The following CADPS2 variants were observed in gnomAD, a reference collection of about 807,000 sequenced individuals.
CADPS2 encodes the protein calcium-dependent secretion activator 2.
A neutral mutation model predicts 172.5 loss-of-function variants in CADPS2; 93 were observed. The ratio of observed to expected loss-of-function variants is 0.54; its 90% CI spans 0.46 to 0.64. CADPS2 has a LOEUF of 0.64. Among genes scored for constraint, CADPS2 ranks in the 30% least tolerant of loss-of-function variants. The pLI is 0.00. For missense variants in CADPS2, 1,420 were observed against 1,565.9 expected (o/e 0.91, Z 1.57); for synonymous variants, 546 against 555.2 (o/e 0.98, Z 0.23).
chr7:122,777,920 C>T (rs945584300), intron 1 of CADPS2, among the ~76,000 whole-genome samples: 2 of 152,000 alleles, frequency 1.3e-5, no homozygotes, highest in African/African-American at 4.8e-5. Flanking sequence ...GCTGCTATAA[C>T]GATACGCAAA....
chr7:122,639,548 C>T (rs1167437964), intron 3 of CADPS2, among the ~76,000 whole-genome samples: 2 of 152,056 alleles, frequency 1.3e-5, no homozygotes, highest in Non-Finnish European at 2.9e-5. Context: ...GTTTAGCTCT[C>T]CACAATTTAT....
Position 122,851,615 on chromosome 7 carries a change from C to T in CADPS2, c.339+34384G>A, listed in dbSNP as rs1813651411. ...AGTAAGAAGAGGTTTGATGAACTCA[C>T]AGTTCCATGTGGCTGGGGAGGCCAC... On this transcript the variant is annotated intron_variant, in intron 1 of 29. Transcript: ENST00000449022. Among the ~76,000 whole-genome samples, 3 of 152,166 alleles carry T rather than the reference C, an allele frequency of 2.0e-5. No individual in the cohort carries two copies. In the South Asian group the frequency reaches 6.2e-4, roughly 31 times the overall value.
intron 17 of CADPS2, among the ~76,000 whole-genome samples, chr7:122,437,700 T>G (rs953603037): frequency 6.6e-6 from 1 of 152,008 alleles, no homozygotes; most frequent in African/African-American, 2.4e-5. Context: ...ATGTGTTGAA[T>G]AAAACTGTTG....
chr7:122,375,943 C>G (rs919699838), intron 25 of CADPS2, among the ~76,000 whole-genome samples: 11 of 152,090 alleles, frequency 7.2e-5, no homozygotes, highest in Admixed American at 2.0e-4. Flanking sequence ...CACTACATCT[C>G]TAATGAACAT....
At position 122,502,049 on chromosome 7, in the gene CADPS2, T is replaced by C. The variant is rs184168180; in HGVS notation, c.1543-10629A>G. 2.6e-3 allele frequency among the ~76,000 whole-genome samples: 402 copies of C among 152,248 alleles called. 2 individuals are homozygous for C. The East Asian group carries it at 0.045, about 17-fold the overall frequency. ...AGCAAGCCAATTACCTCTTAATTTCTGGCAAAGTTATTATTTCAGATAGCA... is the reference window on the plus strand; with the variant it reads ...AGCAAGCCAATTACCTCTTAATTTCCGGCAAAGTTATTATTTCAGATAGCA... On this transcript the variant is annotated intron_variant, in intron 9 of 29. Coordinates refer to ENST00000449022, the MANE Select transcript of CADPS2 (RefSeq NM_017954.11).
chr7:122,504,747 C>G (rs2059483604), intron 9 of CADPS2, among the ~76,000 whole-genome samples: 1 of 151,968 alleles, frequency 6.6e-6, no homozygotes, highest in Non-Finnish European at 1.5e-5. Flanking sequence ...AAAAATAATA[C>G]AGACATGGGG....
intron 8 of CADPS2, among the ~76,000 whole-genome samples, chr7:122,531,139 T>G (rs780428914): frequency 6.6e-6 from 1 of 152,216 alleles, no homozygotes; most frequent in Non-Finnish European, 1.5e-5. Flanking sequence ...CAAGCTGTAC[T>G]GGTAGTTTAT....
chr7:122,731,165 G>A (rs1034685854), intron 2 of CADPS2, among the ~76,000 whole-genome samples: 3 of 151,528 alleles, frequency 2.0e-5, no homozygotes, highest in East Asian at 3.9e-4. Context: ...TGGAACCAAA[G>A]TAGAACATAA....
intron 1 of CADPS2, among the ~76,000 whole-genome samples, chr7:122,768,001 G>A (rs2093605391): frequency 6.6e-6 from 1 of 152,092 alleles, no homozygotes; most frequent in African/African-American, 2.4e-5. Flanking sequence ...AGGGAGAGAT[G>A]GTTAAAGTGA....
intron 6 of CADPS2, among the ~76,000 whole-genome samples, chr7:122,590,125 C>A (rs1329380012): frequency 6.6e-6 from 1 of 151,726 alleles, no homozygotes; most frequent in Non-Finnish European, 1.5e-5. Context: ...CATAAGGAAT[C>A]TCTAGGGACT....
intron 24 of CADPS2, among the ~76,000 whole-genome samples, chr7:122,385,901 T>A (rs1416042764): frequency 6.6e-6 from 1 of 152,096 alleles, no homozygotes; most frequent in Admixed American, 6.6e-5. Flanking sequence ...CTTTTGGTAT[T>A]AAAAGTATAC....
At chr7:122,681,740 A>G (rs1021514704) in intron 2 of CADPS2, 2 of 573,658 alleles carry the variant, frequency 3.5e-6, no homozygotes, top group African/African-American at 3.9e-5. Context: ...AAATAATAAT[A>G]ATAATAAAAG....
chr7:122,470,542 T>TGGA (rs2055789046), intron 14 of CADPS2, among the ~76,000 whole-genome samples: 1 of 152,132 alleles, frequency 6.6e-6, no homozygotes, highest in Non-Finnish European at 1.5e-5. Context: ...TTACCTAGGC[T>TGGA]GGAGTGCAGT....
At chr7:122,416,898 C>A (rs934035818) in intron 17 of CADPS2, among the ~76,000 whole-genome samples, 3 of 152,160 alleles carry the variant, frequency 2.0e-5, no homozygotes, top group African/African-American at 7.2e-5. Context: ...AACAAGCTGG[C>A]AGAAATTAAA....
chr7:122,671,176 A>G (rs1056769044), intron 2 of CADPS2, among the ~76,000 whole-genome samples: 5 of 152,184 alleles, frequency 3.3e-5, no homozygotes, highest in African/African-American at 1.2e-4. Flanking sequence ...TTTAATTCTT[A>G]TCTCTTTTCC....
intron 1 of CADPS2, among the ~76,000 whole-genome samples, chr7:122,864,998 A>T (rs979365847): frequency 3.9e-5 from 6 of 152,028 alleles, no homozygotes; most frequent in African/African-American, 1.5e-4. Flanking sequence ...ATTTGATCCC[A>T]ATGTTGGAAG....
intron 3 of CADPS2, among the ~76,000 whole-genome samples, chr7:122,651,743 T>A (rs2079168642): frequency 6.6e-6 from 1 of 152,156 alleles, no homozygotes; most frequent in Non-Finnish European, 1.5e-5. Flanking sequence ...TATAAAAGAT[T>A]AATGAAAGCT....
intron 14 of CADPS2, among the ~76,000 whole-genome samples, chr7:122,460,756 A>C (rs1387403132): frequency 2.6e-5 from 4 of 152,192 alleles, no homozygotes; most frequent in African/African-American, 9.6e-5. Flanking sequence ...GAAAGGAAAA[A>C]GATATTCAGA....
intron 9 of CADPS2, among the ~76,000 whole-genome samples, chr7:122,506,319 A>G (rs754326740): frequency 3.5e-4 from 54 of 152,164 alleles, no homozygotes; most frequent in Non-Finnish European, 3.8e-4. Context: ...CTTTTACCCA[A>G]TCCACTCTTA....
Sources: allele counts gnomAD v4.1 joint callset (sites outside exome capture counted in the v4.1 genomes callset), GRCh38; gene constraint gnomAD v4.1.1; transcripts MANE v1.5; gene names NCBI Gene and HGNC (gene_info 2026-07-23, HGNC 2026-07-21).